PRMT8: variants seen among roughly 807,000 people sequenced by gnomAD.
PRMT8 encodes protein arginine N-methyltransferase 8.
Under a neutral mutation model 47.1 loss-of-function variants are expected in PRMT8, and 7 were observed. The observed-to-expected ratio is 0.15, with a 90% CI of 0.08 to 0.28. The LOEUF is 0.28. Among genes scored for constraint, PRMT8 ranks in the 10% least tolerant of loss-of-function variants. The probability of loss-of-function intolerance (pLI) is 1.00; values close to 1 mark genes in which losing one functional copy is unlikely to be tolerated. For missense variants in PRMT8, 237 were observed against 505.4 expected (o/e 0.47, Z 5.09); for synonymous variants, 188 against 186.5 (o/e 1.01, Z -0.07).
intron 1 of PRMT8, among the ~76,000 whole-genome samples, chr12:3,405,589 C>T (rs1565399990): frequency 2.0e-5 from 3 of 152,216 alleles, no homozygotes; most frequent in Admixed American, 6.5e-5. Context: ...CAGGTACAGG[C>T]TTTGGGTAAA....
chr12:3,485,333 C>T (rs987616818), intron 1 of PRMT8, among the ~76,000 whole-genome samples: 12 of 151,990 alleles, frequency 7.9e-5, no homozygotes, highest in African/African-American at 2.2e-4. Flanking sequence ...TGATCCAGGG[C>T]GATGTTGGGT....
chr12:3,429,795 T>C (rs1478434255), intron 1 of PRMT8, among the ~76,000 whole-genome samples: 1 of 151,920 alleles, frequency 6.6e-6, no homozygotes, highest in Non-Finnish European at 1.5e-5. Flanking sequence ...TCCCATGTGC[T>C]GCTCTGGTAA....
rs181368302 is a variant in PRMT8 at position 3,564,252 on chromosome 12, C to T, written c.482-4454C>T. 1.3e-5 allele frequency among the ~76,000 whole-genome samples: 2 copies of T among 152,212 alleles called. No homozygotes were observed. Among genetic ancestry groups the T allele is most frequent in the African/African-American group, 4.8e-5 (2 of 41,520 alleles). The stretch of plus-strand genomic sequence containing the variant: ...ATAATATGTTCCCATGCCTGTGACC[C>T]TCATGCCTCCTCTTGTGTGGCACAG... On this transcript the variant is annotated intron_variant, in intron 4 of 9. Transcript: ENST00000382622. This position sits in a 1 kb window ranked among gnomAD's most constrained non-coding sequence, Gnocchi z 4.0.
intron 1 of PRMT8, among the ~76,000 whole-genome samples, chr12:3,421,505 T>G (rs1365151091): frequency 2.0e-5 from 3 of 152,196 alleles, no homozygotes; most frequent in African/African-American, 4.8e-5. Context: ...GGTGGGAGAC[T>G]GGGCTCCAGC....
At chr12:3,461,780 GT>G (rs1236825498) in intron 1 of PRMT8, among the ~76,000 whole-genome samples, 4 of 151,602 alleles carry the variant, frequency 2.6e-5, no homozygotes, top group African/African-American at 4.9e-5. Context: ...AATTTAAAGA[GT>G]TTACTTGAAC....
At chr12:3,437,931 T>C (rs530833036) in intron 1 of PRMT8, among the ~76,000 whole-genome samples, 2 of 152,234 alleles carry the variant, frequency 1.3e-5, no homozygotes, top group African/African-American at 4.8e-5. Flanking sequence ...AACTTGGGGT[T>C]TGGGAGTCTT....
At chr12:3,497,333 T>C (rs377192913) in intron 1 of PRMT8, among the ~76,000 whole-genome samples, 2 of 152,196 alleles carry the variant, frequency 1.3e-5, no homozygotes, top group East Asian at 1.9e-4. Flanking sequence ...TAACCGAAGA[T>C]GCATTGTTGG....
chr12:3,526,620 T>C (rs1174009479), intron 1 of PRMT8, among the ~76,000 whole-genome samples: 2 of 152,236 alleles, frequency 1.3e-5, no homozygotes, highest in Non-Finnish European at 2.9e-5. Flanking sequence ...TAATTATTGG[T>C]TCTATCAGTT....
intron 2 of PRMT8, among the ~76,000 whole-genome samples, chr12:3,547,985 C>T (rs1049065191): frequency 1.3e-5 from 2 of 152,152 alleles, no homozygotes; most frequent in Non-Finnish European, 2.9e-5. Context: ...TTGGCAGACT[C>T]TCACTACGTT....
At chr12:3,443,625 T>TC (rs1864827093) in intron 1 of PRMT8, among the ~76,000 whole-genome samples, 1 of 152,190 alleles carries the variant, frequency 6.6e-6, no homozygotes, top group South Asian at 2.1e-4. Flanking sequence ...CTGTGCTCTC[T>TC]CCCCCTTCAG....
intron 1 of PRMT8, among the ~76,000 whole-genome samples, chr12:3,505,557 G>A (rs1440578816): frequency 6.6e-6 from 1 of 152,192 alleles, no homozygotes; most frequent in Non-Finnish European, 1.5e-5. Flanking sequence ...TGCTGTGTCA[G>A]TCACTTTGTA....
At chr12:3,498,801 G>T (rs1378877882) in intron 1 of PRMT8, among the ~76,000 whole-genome samples, 1 of 152,148 alleles carries the variant, frequency 6.6e-6, no homozygotes, top group Admixed American at 6.5e-5. Context: ...ACCCTCCTAG[G>T]TCTGCTGTAA....
chr12:3,554,092 C>G (rs1866480088), intron 4 of PRMT8, among the ~76,000 whole-genome samples: 1 of 152,228 alleles, frequency 6.6e-6, no homozygotes, highest in African/African-American at 2.4e-5. Flanking sequence ...TGTTTCCCCA[C>G]CACCTGCCCA....
intron 1 of PRMT8, among the ~76,000 whole-genome samples, chr12:3,465,457 A>G (rs1157798652): frequency 1.3e-5 from 2 of 151,754 alleles, no homozygotes; most frequent in Non-Finnish European, 2.9e-5. Context: ...CTTTTCTGGG[A>G]ACTTTTGTTT....
chr12:3,586,422 C>G (rs59635603), intron 8 of PRMT8, among the ~76,000 whole-genome samples: 90 of 152,306 alleles, frequency 5.9e-4, no homozygotes, highest in African/African-American at 2.2e-3. Flanking sequence ...TGAGCCTACT[C>G]CTCTTTTTGC....
chr12:3,387,528 G>A (rs893052055), intron 1 of PRMT8, among the ~76,000 whole-genome samples: 2 of 152,074 alleles, frequency 1.3e-5, no homozygotes, highest in Non-Finnish European at 2.9e-5. Flanking sequence ...ACATAGCAAG[G>A]CAGACACTGA....
chr12:3,527,742 A>G (rs1865968965), intron 1 of PRMT8, among the ~76,000 whole-genome samples: 1 of 152,180 alleles, frequency 6.6e-6, no homozygotes, highest in African/African-American at 2.4e-5. Context: ...ATATTTACAC[A>G]TAGAGTTACC....
At chr12:3,560,361 T>A (rs574857930) in intron 4 of PRMT8, among the ~76,000 whole-genome samples, 1 of 152,292 alleles carries the variant, frequency 6.6e-6, no homozygotes, top group Admixed American at 6.5e-5. Context: ...ACAGCTCCCG[T>A]GATGGAGTTA....
chr12:3,584,961 C>G (rs1470221633), intron 8 of PRMT8, among the ~76,000 whole-genome samples: 1 of 152,228 alleles, frequency 6.6e-6, no homozygotes, highest in Non-Finnish European at 1.5e-5. Context: ...TGGTGATACT[C>G]TCATAGCCTC....
Sources: gnomAD v4.1 joint callset for allele counts (sites outside exome capture counted in the v4.1 genomes callset) on GRCh38, gnomAD v4.1.1 for gene constraint, Gnocchi (gnomAD v3.1) non-coding constraint, MANE v1.5 for transcripts, NCBI Gene and HGNC (gene_info 2026-07-23, HGNC 2026-07-21) for gene names.